The following SLC43A1 variants were observed in gnomAD, a reference collection of about 807,000 sequenced individuals.
The protein encoded by SLC43A1 is solute carrier family 43 member 1, also known as large neutral amino acids transporter small subunit 3.
A neutral mutation model predicts 59.5 loss-of-function variants in SLC43A1; 31 were observed. The observed-to-expected ratio is 0.52, with a 90% CI of 0.39 to 0.70. The LOEUF is 0.70. Among genes scored for constraint, SLC43A1 ranks in the 30% least tolerant of loss-of-function variants. SLC43A1 has a pLI of 0.00. For missense variants in SLC43A1, 598 were observed against 717.8 expected (o/e 0.83, Z 1.91); for synonymous variants, 259 against 290.9 (o/e 0.89, Z 1.12).
intron 7 of SLC43A1, 183 bp from the exon 8 acceptor site, chr11:57,494,354 A>G (rs1023785812): frequency 9.0e-6 from 5 of 552,490 alleles, no homozygotes; most frequent in Non-Finnish European, 1.2e-5. Flanking sequence ...GGACCAGCTT[A>G]GCACAGATGC....
At chr11:57,486,922 T>C (rs1010919348) in intron 14 of SLC43A1, among the ~76,000 whole-genome samples, 173 bp downstream of exon 14, 21 of 152,218 alleles carry the variant, frequency 1.4e-4, no homozygotes, top group Admixed American at 4.6e-4. Flanking sequence ...GGAATCTGTA[T>C]TTTTAACACT....
At chr11:57,496,543 C>T (rs905862945) in intron 6 of SLC43A1, among the ~76,000 whole-genome samples, 16 of 152,282 alleles carry the variant, frequency 1.1e-4, no homozygotes, top group African/African-American at 2.9e-4. Flanking sequence ...ACAAAGGAAA[C>T]TTAGTGCTCT....
intron 2 of SLC43A1, among the ~76,000 whole-genome samples, chr11:57,502,795 G>C (rs1944298713): frequency 6.6e-6 from 1 of 151,362 alleles, no homozygotes; most frequent in East Asian, 1.9e-4. Context: ...GATTGCTTGA[G>C]CCCGGGCGGT....
At position 57,514,809 on chromosome 11, in the gene SLC43A1, C is replaced by A. The variant is rs763940889; in HGVS notation, c.-14+635G>T. On this transcript the variant is annotated intron_variant, in intron 1 of 14. Transcript: ENST00000278426. The surrounding 1 kb of genome is among the most constrained non-coding windows in gnomAD (Gnocchi z 5.5). Reference sequence around the variant, plus strand: ...GCAGGGCTCGGGGCACCAGGCTTTGCACCTCGGAACCCGCTTGCCCCCCTC... The same window carrying A: ...GCAGGGCTCGGGGCACCAGGCTTTGAACCTCGGAACCCGCTTGCCCCCCTC... 168 of 985,414 alleles carry A rather than the reference C, an allele frequency of 1.7e-4. No homozygotes were observed. The highest frequency in any genetic ancestry group is 2.0e-4 in the Non-Finnish European group (163 of 830,044). 61.0% of individuals were successfully genotyped at this position (985,414 alleles called of 1,614,324 possible).
At chr11:57,496,211 G>C (rs1457507377) in intron 6 of SLC43A1, 47 bp from the exon 7 acceptor site, 1 of 1,607,618 alleles carries the variant, frequency 6.2e-7, no homozygotes, top group East Asian at 2.2e-5. Context: ...CCTGGCCCCA[G>C]ACCCCACCAA....
rs1159513058 is a variant in SLC43A1, at chr11:57,488,908, A to G, written c.1409+8T>C. The G allele has an allele frequency of 6.2e-7, 1 of 1,612,484 alleles. No homozygotes were observed. Among genetic ancestry groups the G allele is most frequent in the Non-Finnish European group, 8.5e-7 (1 of 1,178,588 alleles). On this transcript the variant is annotated splice_region_variant and intron_variant, in intron 13 of 14. Transcript: ENST00000278426. ...GCTCAGGAAGGCATTTCAGCCCAAC[A>G]GACTCACACTGCAGCATAGAGACTC...
chr11:57,497,654 G>A, intron 6 of SLC43A1, 99 bp downstream of exon 6: 1 of 775,784 alleles, frequency 1.3e-6, no homozygotes, highest in East Asian at 2.7e-5. Context: ...AGAAAGGAGA[G>A]CGGAGAAGTC....
chr11:57,496,688 G>T (rs1292618554), intron 6 of SLC43A1, among the ~76,000 whole-genome samples: 2 of 152,206 alleles, frequency 1.3e-5, no homozygotes, highest in Admixed American at 6.5e-5. Flanking sequence ...AACTGGGGGG[G>T]TTGGGGAGAG....
At chr11:57,509,287 A>G (rs1944466693) in intron 2 of SLC43A1, among the ~76,000 whole-genome samples, 1 of 151,924 alleles carries the variant, frequency 6.6e-6, no homozygotes, top group Admixed American at 6.6e-5. Context: ...AGCTAAAACT[A>G]CAAAACTCTA....
chr11:57,515,313 G>A lies in SLC43A1; in HGVS notation c.-14+131C>T, dbSNP rs1944661218. On this transcript the variant is annotated intron_variant, in intron 1 of 14. Coordinates refer to ENST00000278426, the MANE Select transcript of SLC43A1 (RefSeq NM_003627.6). This position sits in a 1 kb window ranked among gnomAD's most constrained non-coding sequence, Gnocchi z 5.3. ...TGGCGAGATGGGACACTGTGCCGCG[G>A]GACCGCGGGCGCAAGTAACGGTCTT... 1.3e-5 allele frequency: 2 copies of A among 152,806 alleles called. No individual in the cohort carries two copies. The allele number at this position is 152,806 out of a possible 1,614,324, so 9.5% of individuals were successfully genotyped here.
Position 57,496,133 on chromosome 11 carries a change from A to ACCACGAAGG in SLC43A1, c.581_589dup (p.Ala194_Val196dup). ...CAGGCCAGACCAGGTGAACATGATG[A>ACCACGAAGG]CCACGAAGGCCACACCGGCATCGTA... On this transcript the variant is annotated inframe_insertion, in exon 7 of 15. Transcript: ENST00000278426. 1 of 1,614,070 alleles carries ACCACGAAGG rather than the reference A, an allele frequency of 6.2e-7. No individual in the cohort carries two copies. Among genetic ancestry groups the ACCACGAAGG allele is most frequent in the Non-Finnish European group, 8.5e-7 (1 of 1,179,972 alleles).
chr11:57,498,540 A>T (rs919478392), intron 5 of SLC43A1, among the ~76,000 whole-genome samples: 4 of 152,220 alleles, frequency 2.6e-5, no homozygotes, highest in African/African-American at 9.6e-5. Flanking sequence ...AGTGTACTCA[A>T]GTTCACAGAG....
At position 57,488,997 on chromosome 11, in the gene SLC43A1, C is replaced by A. The variant is rs375196672; in HGVS notation, c.1336-8G>T. 2.8e-5 allele frequency: 45 copies of A among 1,613,316 alleles called. No homozygotes were observed. The highest frequency in any genetic ancestry group is 3.7e-5 in the Non-Finnish European group (44 of 1,179,402). On this transcript the variant is annotated splice_region_variant and splice_polypyrimidine_tract_variant and intron_variant, in intron 12 of 14. Transcript: ENST00000278426. ...CAGGACAAAGGTCACAAACTAAAAC[C>A]AAAAAGAGAGAGTGAAGAGGTTAGG...
intron 12 of SLC43A1, 92 bp downstream of exon 12, chr11:57,489,159 G>C (rs1943827711): frequency 4.0e-6 from 6 of 1,517,960 alleles, no homozygotes; most frequent in Non-Finnish European, 5.5e-6. Flanking sequence ...CAGAAGACCA[G>C]AACTGCGCTT....
chr11:57,501,369 G>A (rs1243490417), intron 2 of SLC43A1, 40 bp from the exon 3 acceptor site: 1 of 1,596,732 alleles, frequency 6.3e-7, no homozygotes, highest in Admixed American at 1.7e-5. Flanking sequence ...ATGACACCAG[G>A]AACAGCTGGG....
chr11:57,512,658 T>G (rs1345790524), intron 2 of SLC43A1, among the ~76,000 whole-genome samples: 2 of 152,064 alleles, frequency 1.3e-5, no homozygotes, highest in Non-Finnish European at 2.9e-5. Context: ...GGGTCCCTAA[T>G]AGCCCTCCAC....
chr11:57,500,970 AGAG>A lies in SLC43A1; in HGVS notation c.388+15_388+17del, dbSNP rs763323726. On this transcript the variant is annotated intron_variant, in intron 4 of 14. Coordinates refer to ENST00000278426, the MANE Select transcript of SLC43A1 (RefSeq NM_003627.6). ...CCTATTCTTTTCTTGTGGGGCCACA[AGAG>A]GACAGACAACTCACCTTCCACGTCC... 1.3e-6 allele frequency: 2 copies of A among 1,597,824 alleles called. No homozygotes were observed. Among genetic ancestry groups the A allele is most frequent in the Non-Finnish European group, 1.7e-6 (2 of 1,171,792 alleles).
At chr11:57,504,431 C>T (rs575308764) in intron 2 of SLC43A1, among the ~76,000 whole-genome samples, 2 of 152,184 alleles carry the variant, frequency 1.3e-5, no homozygotes, top group Non-Finnish European at 2.9e-5. Context: ...GTTCCTGCTC[C>T]TAAGTCTTTG....
chr11:57,491,711 C>G lies in SLC43A1; in HGVS notation c.1018+5G>C. ...CAACCCCCAGGGGCCTCAGCGGTGC[C>G]TCACCATGCTCCTGGCCACCAGTCA... On this transcript the variant is annotated splice_donor_5th_base_variant and intron_variant, in intron 9 of 14. Transcript: ENST00000278426. The G allele has an allele frequency of 3.7e-6, 6 of 1,614,250 alleles. No individual in the cohort carries two copies. Among genetic ancestry groups the G allele is most frequent in the Non-Finnish European group, 5.1e-6 (6 of 1,180,040 alleles).
Sources: allele counts gnomAD v4.1 joint callset (sites outside exome capture counted in the v4.1 genomes callset), GRCh38; gene constraint gnomAD v4.1.1; non-coding constraint Gnocchi (gnomAD v3.1); transcripts MANE v1.5; gene names NCBI Gene and HGNC (gene_info 2026-07-23, HGNC 2026-07-21).